FEZ1: variants seen among roughly 807,000 people sequenced by gnomAD.
FEZ1 encodes fasciculation and elongation protein zeta 1.
FEZ1 carries 20 observed loss-of-function variants against 49.3 expected under a neutral mutation model. That is an observed-to-expected ratio of 0.41 (90% confidence interval 0.29 to 0.59). The LOEUF is 0.59. FEZ1 is among the 20% of genes least tolerant of loss of function. The pLI is 0.36. For synonymous variants in FEZ1, 170 were observed against 180.9 expected, an observed-to-expected ratio of 0.94 and a Z score of 0.48; for missense variants, 413 against 476.0, an observed-to-expected ratio of 0.87 and a Z score of 1.23.
chr11:125,476,353 G>T (rs1350146281), intron 3 of FEZ1, among the ~76,000 whole-genome samples: 2 of 152,146 alleles, frequency 1.3e-5, no homozygotes, highest in African/African-American at 2.4e-5. Flanking sequence ...TGTATCTCAA[G>T]AATGCATGGT....
rs1555178519 is a variant in FEZ1, at chr11:125,457,470, ATG to A, written c.668-1366_668-1365del. The stretch of plus-strand genomic sequence containing the variant: ...TATATATGTATATATACACATATAT[ATG>A]TATATATACACATATATGTGTATAT... On this transcript the variant is annotated intron_variant, in intron 5 of 9. Transcript: ENST00000278919. 5.3e-4 allele frequency among the ~76,000 whole-genome samples: 11 copies of A among 20,904 alleles called. 1 individual carries two copies. In the South Asian group the frequency reaches 6.5e-3, roughly 12 times the overall value. 13.7% of individuals were successfully genotyped at this position (20,904 alleles called of 152,430 possible). A position where few individuals can be genotyped will look rare whatever the true frequency, so the allele number is the denominator to read the frequency against.
Position 125,445,854 on chromosome 11 carries a change from C to T in FEZ1, c.*241G>A, listed in dbSNP as rs1469956151. ...AATGAGCGGTGAAAGCGGCTGCCTT[C>T]CCCTCTCCTGACACCAGCAAGGGGG... On this transcript the variant is annotated 3_prime_UTR_variant, in exon 10 of 10. Transcript: ENST00000278919. This position sits in a 1 kb window ranked among gnomAD's most constrained non-coding sequence, Gnocchi z 4.4. 1 of 563,322 alleles carries T rather than the reference C, an allele frequency of 1.8e-6. No homozygotes were observed. Among genetic ancestry groups the T allele is most frequent in the African/African-American group, 1.9e-5 (1 of 53,904 alleles). 34.9% of individuals were successfully genotyped at this position (563,322 alleles called of 1,614,324 possible).
Position 125,495,173 on chromosome 11 carries a change from C to A in FEZ1, c.-46+948G>T. 1 of 355,242 alleles carries A rather than the reference C, an allele frequency of 2.8e-6. No individual in the cohort carries two copies. Among genetic ancestry groups the A allele is most frequent in the Non-Finnish European group, 5.9e-6 (1 of 170,634 alleles). 22.0% of individuals were successfully genotyped at this position (355,242 alleles called of 1,614,324 possible). A position where few individuals can be genotyped will look rare whatever the true frequency, so the allele number is the denominator to read the frequency against. ...TTCACCTCCATCTCAGATCCCCCTC[C>A]TCCCCCCAGTCCGGTGGGGTAAAGA... On this transcript the variant is annotated intron_variant, in intron 1 of 9. Transcript: ENST00000278919. The surrounding 1 kb of genome is among the most constrained non-coding windows in gnomAD (Gnocchi z 4.2).
intron 8 of FEZ1, among the ~76,000 whole-genome samples, chr11:125,449,821 G>C (rs1010183441): frequency 6.6e-6 from 1 of 152,134 alleles, no homozygotes; most frequent in South Asian, 2.1e-4. Context: ...CTAGTTTCAA[G>C]ACAGGGTAAT....
At chr11:125,475,275 TACACACAC>T (rs67243081) in intron 3 of FEZ1, among the ~76,000 whole-genome samples, 55 of 141,810 alleles carry the variant, frequency 3.9e-4, no homozygotes, top group South Asian at 1.1e-3. Context: ...GTCTCAAAAA[TACACACAC>T]ACACACACAC....
At chr11:125,493,414 GAA>G (rs1565306937) in intron 1 of FEZ1, among the ~76,000 whole-genome samples, 2 of 71,546 alleles carry the variant, frequency 2.8e-5, no homozygotes, top group African/African-American at 7.1e-5. Flanking sequence ...AAGAAAGAAA[GAA>G]AGAAAGAAGG....
rs916659021 is a variant in FEZ1, at chr11:125,488,704, C to A, written c.311+763G>T. The A allele has an allele frequency of 7.1e-6, 7 of 982,472 alleles. No individual in the cohort carries two copies. In the African/African-American group the frequency reaches 1.1e-4, roughly 15 times the overall value. 60.9% of individuals were successfully genotyped at this position (982,472 alleles called of 1,614,324 possible). A position where few individuals can be genotyped will look rare whatever the true frequency, so the allele number is the denominator to read the frequency against. ...CAAAAAAAAACAAAACAAAACAAAA[C>A]AAAAAAACACATCCCCCGAGGATAG... On this transcript the variant is annotated intron_variant, in intron 2 of 9. Coordinates refer to ENST00000278919, the MANE Select transcript of FEZ1 (RefSeq NM_005103.5).
intron 3 of FEZ1, among the ~76,000 whole-genome samples, chr11:125,472,666 A>C (rs1382102857): frequency 6.6e-6 from 1 of 152,134 alleles, no homozygotes. Context: ...ATGTAATACA[A>C]ATTCTTTCAC....
rs551418603 is a variant in FEZ1 at position 125,460,541 on chromosome 11, C to A, written c.624G>T (p.Met208Ile). Reference sequence around the variant, plus strand: ...TGTTGAAGGTCTGTGTCAATGCCTGCATCTCCTGCAGGAGGACCGAGTCTG... The same window carrying A: ...TGTTGAAGGTCTGTGTCAATGCCTGAATCTCCTGCAGGAGGACCGAGTCTG... ...SQADSVLLQE[M>I]QALTQTFNNN... is the part of the protein sequence containing the mutation. The change falls in exon 5 of 10, where the codon ATG (methionine) becomes ATT (isoleucine). Residue 208 changes from methionine to isoleucine, a missense_variant. Met to Ile is a conservative substitution (Grantham distance 10). Transcript: ENST00000278919. 8 of 1,614,174 alleles carry A rather than the reference C, an allele frequency of 5.0e-6. No individual in the cohort carries two copies. Among genetic ancestry groups the A allele is most frequent in the African/African-American group, 2.7e-5 (2 of 75,054 alleles).
chr11:125,475,817 G>A (rs919735143), intron 3 of FEZ1, among the ~76,000 whole-genome samples: 1 of 151,928 alleles, frequency 6.6e-6, no homozygotes, highest in Non-Finnish European at 1.5e-5. Flanking sequence ...TAAGAGAAAT[G>A]GAAGCATATG....
At chr11:125,477,295 G>A (rs1033350550) in intron 3 of FEZ1, among the ~76,000 whole-genome samples, 1 of 147,154 alleles carries the variant, frequency 6.8e-6, no homozygotes, top group African/African-American at 2.5e-5. Flanking sequence ...AGAAGTTCAA[G>A]ACTAGCCTGG....
intron 1 of FEZ1, among the ~76,000 whole-genome samples, chr11:125,493,417 A>AGAAGGAAAGAAG (rs1555043697): frequency 3.9e-5 from 2 of 51,534 alleles, no homozygotes; most frequent in Non-Finnish European, 3.8e-5. Flanking sequence ...AAAGAAAGAA[A>AGAAGGAAAGAAG]GAAAGAAGGA....
chr11:125,480,373 GAGACCCTGTC>G, intron 3 of FEZ1, among the ~76,000 whole-genome samples: 1 of 152,272 alleles, frequency 6.6e-6, no homozygotes, highest in Non-Finnish European at 1.5e-5. Context: ...GCGACACAGT[GAGACCCTGTC>G]TGAGAAAAAA....
intron 9 of FEZ1, among the ~76,000 whole-genome samples, chr11:125,448,070 T>C (rs1256298837): frequency 2.6e-5 from 4 of 152,222 alleles, no homozygotes; most frequent in African/African-American, 9.6e-5. Context: ...GAGTGTATTA[T>C]GCCATTTCCT....
intron 5 of FEZ1, among the ~76,000 whole-genome samples, chr11:125,456,738 C>T (rs555935611): frequency 1.3e-5 from 2 of 152,282 alleles, no homozygotes; most frequent in Admixed American, 6.5e-5. Flanking sequence ...AAGCTGAGAT[C>T]ATGGGAAATA....
intron 3 of FEZ1, among the ~76,000 whole-genome samples, chr11:125,472,579 C>T (rs756135770): frequency 1.4e-4 from 22 of 152,022 alleles, no homozygotes; most frequent in Non-Finnish European, 2.8e-4. Context: ...AACTGAAAAT[C>T]TTCCACAGAG....
At chr11:125,478,213 C>T (rs1047417781) in intron 3 of FEZ1, among the ~76,000 whole-genome samples, 1 of 152,130 alleles carries the variant, frequency 6.6e-6, no homozygotes, top group Non-Finnish European at 1.5e-5. Context: ...GAGGCCAAGG[C>T]GGGTGGATCA....
Position 125,495,535 on chromosome 11 carries a change from T to A in FEZ1, c.-46+586A>T, listed in dbSNP as rs1267759757. 2 of 471,068 alleles carry A rather than the reference T, an allele frequency of 4.2e-6. No individual in the cohort carries two copies. The highest frequency in any genetic ancestry group is 3.1e-5 in the South Asian group (2 of 64,574). 29.2% of individuals were successfully genotyped at this position (471,068 alleles called of 1,614,324 possible). A position where few individuals can be genotyped will look rare whatever the true frequency, so the allele number is the denominator to read the frequency against. On this transcript the variant is annotated intron_variant, in intron 1 of 9. Transcript: ENST00000278919. The surrounding 1 kb of genome is among the most constrained non-coding windows in gnomAD (Gnocchi z 4.2). ...TCGCTCTCCCGGCGTCTGCGGCCGC[T>A]GCCAGCGGTTCTGACACTGCAGGAA...
At chr11:125,480,455 T>C (rs1173202193) in intron 3 of FEZ1, among the ~76,000 whole-genome samples, 2 of 152,202 alleles carry the variant, frequency 1.3e-5, no homozygotes, top group Non-Finnish European at 2.9e-5. Context: ...CCTCTGGCCA[T>C]TGTCAAGTGC....
Sources: allele counts gnomAD v4.1 joint callset (sites outside exome capture counted in the v4.1 genomes callset), GRCh38; gene constraint gnomAD v4.1.1; non-coding constraint Gnocchi (gnomAD v3.1); transcripts MANE v1.5; gene names NCBI Gene and HGNC (gene_info 2026-07-23, HGNC 2026-07-21).